Variants in RASEF observed in about 807,000 individuals in gnomAD.
RASEF encodes RAS and EF-hand domain containing, also known as ras and EF-hand domain-containing protein.
RASEF carries 68 observed loss-of-function variants against 90.1 expected under a neutral mutation model. That is an observed-to-expected ratio of 0.75 (90% CI 0.62 to 0.92). The LOEUF is 0.92. Among genes scored for constraint, RASEF ranks in the 40% least tolerant of loss-of-function variants. RASEF has a pLI of 0.00. For missense variants in RASEF, 949 were observed against 937.2 expected (o/e 1.01, Z -0.16); for synonymous variants, 331 against 345.2 (o/e 0.96, Z 0.46).
intron 16 of RASEF, among the ~76,000 whole-genome samples, chr9:82,985,405 A>G (rs987922060): frequency 6.6e-6 from 1 of 152,174 alleles, no homozygotes; most frequent in African/African-American, 2.4e-5. Context: ...CCATGACTCA[A>G]TTACCTCCCC....
the RASEF span, among the ~76,000 whole-genome samples, chr9:83,158,749 T>C: frequency 2.0e-5 from 3 of 149,582 alleles, no homozygotes; most frequent in Non-Finnish European, 4.4e-5. Context: ...TATACATATA[T>C]GCATATATGT....
At chr9:83,049,370 C>G (rs925064693) in intron 1 of RASEF, 21 of 982,084 alleles carry the variant, frequency 2.1e-5, no homozygotes, top group Non-Finnish European at 2.4e-5. Flanking sequence ...CCGTGCGGGA[C>G]TGGCTCATAC....
At chr9:83,167,221 A>G in the RASEF span, among the ~76,000 whole-genome samples, 2 of 152,202 alleles carry the variant, frequency 1.3e-5, no homozygotes, top group Middle Eastern at 3.4e-3. Context: ...GTAAATAAGG[A>G]ATGAGTAGAT....
At chr9:83,184,683 TCTACACCTTG>T in the RASEF span, among the ~76,000 whole-genome samples, 4 of 152,196 alleles carry the variant, frequency 2.6e-5, no homozygotes, top group African/African-American at 9.6e-5. Context: ...CCCACCCCGA[TCTACACCTTG>T]CTAGGCATTG....
the RASEF span, among the ~76,000 whole-genome samples, chr9:83,114,592 A>T: frequency 2.6e-5 from 4 of 152,196 alleles, no homozygotes; most frequent in East Asian, 7.7e-4. Flanking sequence ...TCAACAAGGA[A>T]CATCCCTGAG....
chr9:83,170,441 A>T, the RASEF span, among the ~76,000 whole-genome samples: 1 of 151,732 alleles, frequency 6.6e-6, no homozygotes, highest in Non-Finnish European at 1.5e-5. Flanking sequence ...CAGATTTAAA[A>T]ATATATATAT....
chr9:83,139,362 A>T, the RASEF span, among the ~76,000 whole-genome samples: 1 of 152,090 alleles, frequency 6.6e-6, no homozygotes, highest in African/African-American at 2.4e-5. Context: ...TCCACATATA[A>T]CTTTTAACTC....
chr9:83,078,225 G>A, the RASEF span, among the ~76,000 whole-genome samples: 6 of 152,188 alleles, frequency 3.9e-5, no homozygotes, highest in Non-Finnish European at 8.8e-5. Flanking sequence ...ATGGTTTGCA[G>A]CTGTCAAAGT....
intron 15 of RASEF, 113 bp downstream of exon 15, chr9:82,992,793 G>A: frequency 9.4e-7 from 1 of 1,062,614 alleles, no homozygotes; most frequent in East Asian, 2.4e-5. Context: ...CTCAGACGGG[G>A]GAGGTTTGTC....
the RASEF span, among the ~76,000 whole-genome samples, chr9:83,217,507 G>A: frequency 3.3e-5 from 5 of 152,086 alleles, no homozygotes; most frequent in African/African-American, 1.2e-4. Context: ...TTGAATCATG[G>A]GGGCAGTTTC....
At chr9:83,194,443 G>T in the RASEF span, among the ~76,000 whole-genome samples, 1 of 152,160 alleles carries the variant, frequency 6.6e-6, no homozygotes, top group South Asian at 2.1e-4. Context: ...CCTACATGAG[G>T]GGTAGAAGCT....
At chr9:83,142,238 T>C in the RASEF span, among the ~76,000 whole-genome samples, 1 of 152,188 alleles carries the variant, frequency 6.6e-6, no homozygotes, top group Admixed American at 6.5e-5. Context: ...GCTTCCTCTG[T>C]GGAAAAATAA....
intron 1 of RASEF, among the ~76,000 whole-genome samples, chr9:83,033,460 C>A (rs1288832068): frequency 6.6e-6 from 1 of 152,160 alleles, no homozygotes; most frequent in Admixed American, 6.5e-5. Context: ...AGGGGGTGGT[C>A]TCTTACAGGC....
intron 6 of RASEF, among the ~76,000 whole-genome samples, chr9:83,008,933 T>TATATATATATATATAA (rs1829187006): frequency 7.5e-6 from 1 of 132,580 alleles, no homozygotes; most frequent in African/African-American, 2.8e-5. Flanking sequence ...TATATATATA[T>TATATATATATATATAA]ATGACGTGGG....
chr9:83,070,018 G>T, the RASEF span, among the ~76,000 whole-genome samples: 1 of 152,086 alleles, frequency 6.6e-6, no homozygotes, highest in African/African-American at 2.4e-5. Flanking sequence ...TCAGTTGTAA[G>T]AGTTCTTTAC....
At chr9:83,183,718 G>A in the RASEF span, among the ~76,000 whole-genome samples, 1 of 152,250 alleles carries the variant, frequency 6.6e-6, no homozygotes, top group Middle Eastern at 3.4e-3. Context: ...TTAAACTTAT[G>A]GAGAAAACAT....
chr9:83,013,750 T>C lies in RASEF; in HGVS notation c.766-1239A>G, dbSNP rs150378100. Among the ~76,000 whole-genome samples the C allele has an allele frequency of 2.6e-5, 4 of 152,358 alleles. No homozygotes were observed. In the East Asian group the frequency reaches 5.8e-4, roughly 22 times the overall value. ...TCAGTCCTCATCTCTAAAAGTAGGATATTTATACCTTCCTCAGAGAAAGTT... is the reference window on the plus strand; with the variant it reads ...TCAGTCCTCATCTCTAAAAGTAGGACATTTATACCTTCCTCAGAGAAAGTT... On this transcript the variant is annotated intron_variant, in intron 4 of 16. Transcript: ENST00000376447.
chr9:83,170,021 G>C, the RASEF span, among the ~76,000 whole-genome samples: 138 of 151,962 alleles, frequency 9.1e-4, no homozygotes, highest in African/African-American at 3.2e-3. Context: ...GTCCTGAAAT[G>C]GTTCCCCAAT....
intron 12 of RASEF, among the ~76,000 whole-genome samples, chr9:82,998,926 G>A (rs548501336): frequency 2.6e-5 from 4 of 152,030 alleles, no homozygotes; most frequent in East Asian, 1.9e-4. Flanking sequence ...ATACATATGC[G>A]TGTGTATATA....
Sources: allele counts gnomAD v4.1 joint callset (sites outside exome capture counted in the v4.1 genomes callset), GRCh38; gene constraint gnomAD v4.1.1; transcripts MANE v1.5; gene names NCBI Gene and HGNC (gene_info 2026-07-23, HGNC 2026-07-21).